Variants in WDR36 observed in about 807,000 individuals in gnomAD.
WDR36 encodes WD repeat domain 36.
Under a neutral mutation model 112.7 loss-of-function variants are expected in WDR36, and 63 were observed. The ratio of observed to expected loss-of-function variants is 0.56; its 90% CI spans 0.46 to 0.69. The LOEUF (loss-of-function observed/expected upper bound fraction) is 0.69. WDR36 is among the 30% of genes least tolerant of loss of function. The pLI is 0.00. For missense variants in WDR36, 1,226 were observed against 1,070.3 expected (o/e 1.15, Z -2.03); for synonymous variants, 410 against 362.2 (o/e 1.13, Z -1.50).
In WDR36 at chr5:111,110,816, A is replaced by G; in HGVS notation, c.1470A>G (p.Ala490=). 6.2e-7 allele frequency: 1 copy of G among 1,611,230 alleles called. No homozygotes were observed. Among genetic ancestry groups the G allele is most frequent in the African/African-American group, 1.3e-5 (1 of 74,848 alleles). ...QAHKGSVRGV[A]VDGLNQLTVT... ...ACAAGGGATCTGTTAGAGGTGTCGC[A>G]GTGGATGGATTAAACCAGTTGACAG... Residue 490 remains alanine (A), a synonymous_variant, in exon 14 of 23, where the codon GCA becomes GCG. Coordinates refer to ENST00000513710, the MANE Select transcript of WDR36 (RefSeq NM_139281.3).
rs182591640 is a variant in WDR36 at position 111,120,913 on chromosome 5, A to G, written c.2003-83A>G. On this transcript the variant is annotated intron_variant, in intron 18 of 22. Coordinates refer to ENST00000513710, the MANE Select transcript of WDR36 (RefSeq NM_139281.3). ...CAAGGCTGCATTAAATGAACATGTT[A>G]TGAAATACAGATGGATTTGGAATGA... 2,136 of 1,215,092 alleles carry G rather than the reference A, an allele frequency of 1.8e-3. 3 individuals carry two copies. The highest frequency in any genetic ancestry group is 2.3e-3 in the Non-Finnish European group (1,936 of 828,968). The allele number at this position is 1,215,092 out of a possible 1,614,324, so 75.3% of individuals were successfully genotyped here. A position where few individuals can be genotyped will look rare whatever the true frequency, so the allele number is the denominator to read the frequency against.
intron 19 of WDR36, among the ~76,000 whole-genome samples, chr5:111,122,583 G>A (rs537708810): frequency 9.2e-5 from 14 of 152,266 alleles, no homozygotes; most frequent in Middle Eastern, 3.4e-3. Context: ...AGAATGGTGA[G>A]TTAGAATGGT....
chr5:111,107,254 A>C (rs759089611), intron 11 of WDR36, 40 bp from the exon 12 acceptor site: 1 of 1,591,510 alleles, frequency 6.3e-7, no homozygotes, highest in East Asian at 2.3e-5. Flanking sequence ...GAATAACAGA[A>C]TGAAAAGTAA....
chr5:111,126,671 G>T, intron 22 of WDR36, 63 bp from the exon 23 acceptor site: 1 of 1,560,264 alleles, frequency 6.4e-7, no homozygotes, highest in Non-Finnish European at 8.8e-7. Flanking sequence ...TAGAAAAATT[G>T]AATCCAGATT....
chr5:111,110,561 A>AGTT lies in WDR36; in HGVS notation c.1442-227_1442-226insGTT, dbSNP rs372060165. The stretch of plus-strand genomic sequence containing the variant: ...TCTCCTTTAAGCAGAAAATCTTAAC[A>AGTT]AACTTTTCAAACCTATGTTGTATCG... On this transcript the variant is annotated intron_variant, in intron 13 of 22. Coordinates refer to ENST00000513710, the MANE Select transcript of WDR36 (RefSeq NM_139281.3). 4.0e-4 allele frequency among the ~76,000 whole-genome samples: 60 copies of AGTT among 151,664 alleles called. No individual in the cohort carries two copies. In the Middle Eastern group the frequency reaches 0.014, roughly 34 times the overall value.
At chr5:111,098,645 GT>G in intron 3 of WDR36, 76 bp from the exon 4 acceptor site, 1 of 989,776 alleles carries the variant, frequency 1.0e-6, no homozygotes, top group Non-Finnish European at 1.6e-6. Context: ...GGATTAGCAT[GT>G]TTTTGGGATA....
At chr5:111,105,198 C>T in intron 9 of WDR36, 97 bp from the exon 10 acceptor site, 3 of 1,327,906 alleles carry the variant, frequency 2.3e-6, no homozygotes, top group Admixed American at 3.5e-5. Flanking sequence ...CAAACTGTAA[C>T]TTCAAGATTT....
chr5:111,113,445 T>TC (rs1250321832), intron 16 of WDR36, among the ~76,000 whole-genome samples: 3 of 151,688 alleles, frequency 2.0e-5, no homozygotes, highest in South Asian at 2.1e-4. Flanking sequence ...TTTGACCTTT[T>TC]TGATACTCCA....
chr5:111,094,962 T>C lies in WDR36; in HGVS notation c.190+15T>C, dbSNP rs199856021. 3.9e-5 allele frequency: 62 copies of C among 1,604,126 alleles called. No individual in the cohort carries two copies. In the East Asian group the frequency reaches 9.8e-4, roughly 25 times the overall value. ...GGTTGCAGTAAGTAAGTATGGACTT[T>C]ATTCTGAATTTATGCACATCTAAAC... On this transcript the variant is annotated intron_variant, in intron 2 of 22. Coordinates refer to ENST00000513710, the MANE Select transcript of WDR36 (RefSeq NM_139281.3).
At chr5:111,124,043 A>G (rs1263024928) in intron 20 of WDR36, 65 bp from the exon 21 acceptor site, 2 of 1,600,244 alleles carry the variant, frequency 1.2e-6, no homozygotes, top group Non-Finnish European at 1.7e-6. Context: ...GCTTTTAATT[A>G]CAAACTATAC....
intron 2 of WDR36, among the ~76,000 whole-genome samples, chr5:111,096,585 T>C (rs557773077): frequency 1.3e-5 from 2 of 151,968 alleles, no homozygotes; most frequent in Non-Finnish European, 2.9e-5. Context: ...ACTCCTATAA[T>C]CCCAGCTACT....
rs1429915302 is a variant in WDR36, at chr5:111,127,313, TTGAG to T, written c.*432_*435del. On this transcript the variant is annotated 3_prime_UTR_variant, in exon 23 of 23. Coordinates refer to ENST00000513710, the MANE Select transcript of WDR36 (RefSeq NM_139281.3). ...AAAAATTATTACCTGCTTATATTTTTTGAGTATCTGTTTCATATAAAGAGATGCT... is the reference window on the plus strand; with the variant it reads ...AAAAATTATTACCTGCTTATATTTTTTATCTGTTTCATATAAAGAGATGCT... The T allele has an allele frequency of 9.6e-6, 2 of 208,886 alleles. No individual in the cohort carries two copies. The highest frequency in any genetic ancestry group is 1.5e-4 in the East Asian group (2 of 13,576). The allele number at this position is 208,886 out of a possible 1,614,324, so 12.9% of individuals were successfully genotyped here. A position where few individuals can be genotyped will look rare whatever the true frequency, so the allele number is the denominator to read the frequency against.
At chr5:111,120,372 C>T in intron 17 of WDR36, 124 bp from the exon 18 acceptor site, 1 of 766,532 alleles carries the variant, frequency 1.3e-6, no homozygotes, top group Non-Finnish European at 2.2e-6. Context: ...AAATTGATAA[C>T]AATCTATCTT....
chr5:111,105,886 C>T (rs1753213276), intron 10 of WDR36, among the ~76,000 whole-genome samples, 171 bp from the exon 11 acceptor site: 1 of 151,400 alleles, frequency 6.6e-6, no homozygotes, highest in Non-Finnish European at 1.5e-5. Flanking sequence ...TCTAAAATAA[C>T]TTTTCTTAGA....
chr5:111,123,146 G>C (rs923068312), intron 19 of WDR36, among the ~76,000 whole-genome samples: 1 of 152,082 alleles, frequency 6.6e-6, no homozygotes, highest in Non-Finnish European at 1.5e-5. Context: ...ATATGTAGCA[G>C]TGTACTTACC....
chr5:111,102,982 A>G (rs1452260300), intron 6 of WDR36, among the ~76,000 whole-genome samples: 2 of 151,598 alleles, frequency 1.3e-5, no homozygotes. Context: ...CCCAATTTAT[A>G]TGTATTCCTT....
intron 19 of WDR36, among the ~76,000 whole-genome samples, chr5:111,123,191 G>GTT (rs983925420): frequency 6.6e-6 from 1 of 152,058 alleles, no homozygotes; most frequent in African/African-American, 2.4e-5. Context: ...TTTCAGTAGA[G>GTT]TTTTTGCTAA....
At chr5:111,093,782 A>G (rs1561699603) in intron 1 of WDR36, among the ~76,000 whole-genome samples, 1 of 152,150 alleles carries the variant, frequency 6.6e-6, no homozygotes, top group Non-Finnish European at 1.5e-5. Context: ...CCTATATTCT[A>G]CTTCCAAAGA....
intron 12 of WDR36, among the ~76,000 whole-genome samples, chr5:111,108,624 T>G (rs1753265386): frequency 6.6e-6 from 1 of 151,428 alleles, no homozygotes; most frequent in Non-Finnish European, 1.5e-5. Context: ...GGTAACATTT[T>G]CTGTGTGATT....
Sources: allele counts gnomAD v4.1 joint callset (sites outside exome capture counted in the v4.1 genomes callset), GRCh38; gene constraint gnomAD v4.1.1; transcripts MANE v1.5; gene names NCBI Gene and HGNC (gene_info 2026-07-23, HGNC 2026-07-21).